FOXN4: variants seen among roughly 807,000 people sequenced by gnomAD.
FOXN4 encodes the protein forkhead box protein N4.
FOXN4 carries 12 observed loss-of-function variants against 45.0 expected under a neutral mutation model. That is an observed-to-expected ratio of 0.27 (90% CI 0.17 to 0.43). The LOEUF is 0.43. Among genes scored for constraint, FOXN4 ranks in the 20% least tolerant of loss-of-function variants. The probability of loss-of-function intolerance (pLI) is 1.00; values close to 1 mark genes in which losing one functional copy is unlikely to be tolerated. For synonymous variants in FOXN4, 297 were observed against 295.0 expected, an observed-to-expected ratio of 1.01 and a Z score of -0.07; for missense variants, 560 against 694.9, an observed-to-expected ratio of 0.81 and a Z score of 2.18.
intron 9 of FOXN4, among the ~76,000 whole-genome samples, chr12:109,280,577 C>A (rs954728326): frequency 2.0e-5 from 3 of 152,090 alleles, no homozygotes; most frequent in Non-Finnish European, 4.4e-5. Flanking sequence ...GGGGACAAGA[C>A]AATGTTTCTC....
chr12:109,295,100 A>G (rs2047804352), intron 2 of FOXN4, among the ~76,000 whole-genome samples: 1 of 152,156 alleles, frequency 6.6e-6, no homozygotes, highest in African/African-American at 2.4e-5. Flanking sequence ...TAATAGTAAT[A>G]GCCGCAATAC....
At chr12:109,298,660 G>A (rs886805596) in intron 2 of FOXN4, among the ~76,000 whole-genome samples, 5 of 152,188 alleles carry the variant, frequency 3.3e-5, no homozygotes, top group East Asian at 1.9e-4. Context: ...ACCACGCCCA[G>A]CCCTTCTAAG....
chr12:109,284,550 T>C (rs1217416174), intron 8 of FOXN4, among the ~76,000 whole-genome samples: 1 of 151,622 alleles, frequency 6.6e-6, no homozygotes, highest in Non-Finnish European at 1.5e-5. Context: ...TCCACTTGTG[T>C]GTGCGCACGT....
intron 8 of FOXN4, 60 bp downstream of exon 8, chr12:109,285,244 C>CGGGTGT: frequency 7.4e-7 from 1 of 1,353,238 alleles, no homozygotes. Flanking sequence ...CTTCCTCTTC[C>CGGGTGT]GTGTGTGTGT....
At chr12:109,300,114 G>T (rs1279924643) in intron 2 of FOXN4, among the ~76,000 whole-genome samples, 1 of 152,244 alleles carries the variant, frequency 6.6e-6, no homozygotes, top group Non-Finnish European at 1.5e-5. Flanking sequence ...GCTCACCCCA[G>T]TGGTGGTGGT....
At chr12:109,283,881 G>C (rs2136914135) in intron 8 of FOXN4, among the ~76,000 whole-genome samples, 1 of 152,296 alleles carries the variant, frequency 6.6e-6, no homozygotes, top group East Asian at 1.9e-4. Flanking sequence ...TGAGATGTCT[G>C]GACTGCTTTC....
Position 109,288,152 on chromosome 12 carries a change from A to C in FOXN4, c.261T>G (p.His87Gln), listed in dbSNP as rs1275940417. Reference sequence around the variant, plus strand: ...GAAGGGGACTTGGAGTGGCTCCCACATGCAGGTCGGCCACCCCAGCCAAGG... The same window carrying C: ...GAAGGGGACTTGGAGTGGCTCCCACCTGCAGGTCGGCCACCCCAGCCAAGG... ...PGALAGVADLHVGATPSPLLH... is the reference protein window; with the variant it reads ...PGALAGVADLQVGATPSPLLH... The change falls in exon 4 of 10, where the codon CAT becomes CAG. Residue 87 changes from histidine (H) to glutamine (Q), a missense_variant. Coordinates refer to ENST00000299162, the MANE Select transcript of FOXN4 (RefSeq NM_213596.3). The surrounding 1 kb of genome is among the most constrained non-coding windows in gnomAD (Gnocchi z 4.3). The C allele has an allele frequency of 2.5e-5, 38 of 1,547,586 alleles. No homozygotes were observed. The highest frequency in any genetic ancestry group is 2.4e-5 in the Non-Finnish European group (27 of 1,146,178).
At chr12:109,283,474 A>G (rs1339228918) in intron 8 of FOXN4, among the ~76,000 whole-genome samples, 1 of 136,596 alleles carries the variant, frequency 7.3e-6, no homozygotes, top group Non-Finnish European at 1.5e-5. Flanking sequence ...TTGTTTGAGA[A>G]CTTTTTTTTT....
chr12:109,281,757 C>A lies in FOXN4; in HGVS notation c.944G>T (p.Arg315Leu). ...KLISDRPESC[R>L]RPGKPGEPEA... The stretch of plus-strand genomic sequence containing the variant: ...TGGTTCCCCCGGTTTGCCGGGGCGC[C>A]GGCAGCTTTCAGGCCGGTCGGAGAT... Residue 315 changes from arginine (R) to leucine (L), a missense_variant, in exon 9 of 10, where the codon CGG becomes CTG. By Grantham distance (102) the Arg-to-Leu change is moderately radical. Around this residue, in one of 5 missense-constraint regions of FOXN4, gnomAD observed 315 missense variants for 350.5 expected, o/e 0.90. Transcript: ENST00000299162. The A allele has an allele frequency of 6.2e-7, 1 of 1,602,716 alleles. No homozygotes were observed. Among genetic ancestry groups the A allele is most frequent in the South Asian group, 1.1e-5 (1 of 90,492 alleles).
chr12:109,282,307 G>C (rs2097961067), intron 8 of FOXN4, among the ~76,000 whole-genome samples: 1 of 152,104 alleles, frequency 6.6e-6, no homozygotes, highest in South Asian at 2.1e-4. Flanking sequence ...TATGAGCTGG[G>C]CTTGGTGGTG....
Position 109,278,837 on chromosome 12 carries a change from T to C in FOXN4, c.*834A>G, listed in dbSNP as rs2047627411. The C allele has an allele frequency of 6.6e-6, 1 of 152,156 alleles. No individual in the cohort carries two copies. The highest frequency in any genetic ancestry group is 2.1e-4 in the South Asian group (1 of 4,826). 9.4% of individuals were successfully genotyped at this position (152,156 alleles called of 1,614,324 possible). On this transcript the variant is annotated 3_prime_UTR_variant, in exon 10 of 10. Transcript: ENST00000299162. ...CACAGTATCAACAGTGCTTGCTGGT[T>C]CTAAAAAGTAGCCCCAGGCTGCCAA...
chr12:109,287,502 C>T lies in FOXN4; in HGVS notation c.491G>A (p.Gly164Asp), dbSNP rs751654854. 12 of 1,543,262 alleles carry T rather than the reference C, an allele frequency of 7.8e-6. No homozygotes were observed. The East Asian group carries it at 2.9e-4, about 38-fold the overall frequency. ...AQQCPPVGLY[G>D]PPFGVRPPYP... is the part of the protein sequence containing the mutation. ...GGGGGGCCGCACCCCAAATGGGGGGCCATAGAGGCCCACAGGAGGGCACTT... is the reference window on the plus strand; with the variant it reads ...GGGGGGCCGCACCCCAAATGGGGGGTCATAGAGGCCCACAGGAGGGCACTT... The change falls in exon 6 of 10, where the codon GGC becomes GAC. Residue 164 changes from glycine to aspartate, a missense_variant. Physicochemically the swap from Gly to Asp is moderately conservative, Grantham distance 94. This residue lies in a region of FOXN4 where 61 missense variants were observed against 59.8 expected (regional missense o/e 1.02). Transcript: ENST00000299162. The surrounding 1 kb of genome is among the most constrained non-coding windows in gnomAD (Gnocchi z 4.1).
At position 109,278,585 on chromosome 12, in the gene FOXN4, G is replaced by A. The variant is rs137893073; in HGVS notation, c.*1086C>T. The A allele has an allele frequency of 2.0e-3, 311 of 152,236 alleles. 1 individual carries two copies. Among genetic ancestry groups the A allele is most frequent in the African/African-American group, 7.2e-3 (299 of 41,528 alleles). 9.4% of individuals were successfully genotyped at this position (152,236 alleles called of 1,614,324 possible). A position where few individuals can be genotyped will look rare whatever the true frequency, so the allele number is the denominator to read the frequency against. On this transcript the variant is annotated 3_prime_UTR_variant, in exon 10 of 10. Coordinates refer to ENST00000299162, the MANE Select transcript of FOXN4 (RefSeq NM_213596.3). ...TTGTCCACCACTTGCCACGTGGTTC[G>A]AGCTTTACGTGGTTCAGTTGGCTTT...
Position 109,288,211 on chromosome 12 carries a change from G to A in FOXN4, c.233-31C>T. 6.5e-7 allele frequency: 1 copy of A among 1,539,462 alleles called. No individual in the cohort carries two copies. Among genetic ancestry groups the A allele is most frequent in the East Asian group, 2.4e-5 (1 of 40,848 alleles). On this transcript the variant is annotated intron_variant, in intron 3 of 9. Transcript: ENST00000299162. The surrounding 1 kb of genome is among the most constrained non-coding windows in gnomAD (Gnocchi z 4.3). Reference sequence around the variant, plus strand: ...GGAGAGAAGCACAGAGACGCTGCTGGGCTGGAGGAATGGTGGCTGCCACCA... The same window carrying A: ...GGAGAGAAGCACAGAGACGCTGCTGAGCTGGAGGAATGGTGGCTGCCACCA...
At position 109,304,682 on chromosome 12, in the gene FOXN4, C is replaced by T. The variant is rs1370230509; in HGVS notation, c.86+3554G>A. Among the ~76,000 whole-genome samples, 12 of 152,346 alleles carry T rather than the reference C, an allele frequency of 7.9e-5. 1 individual carries two copies. Among genetic ancestry groups the T allele is most frequent in the Admixed American group, 7.2e-4 (11 of 15,306 alleles). ...CCTGCACACAGCCATTGAAAATTAA[C>T]GGCCAAACTCAGCCCCAGGGGGATG... is the stretch of plus-strand genomic sequence containing the variant. On this transcript the variant is annotated intron_variant, in intron 2 of 9. Transcript: ENST00000299162.
At chr12:109,282,448 TA>T (rs920026527) in intron 8 of FOXN4, among the ~76,000 whole-genome samples, 35 of 149,168 alleles carry the variant, frequency 2.3e-4, no homozygotes, top group South Asian at 1.3e-3. Context: ...ACCCTGCCTT[TA>T]AAAAAAAAAT....
At chr12:109,307,486 C>A (rs2047932191) in intron 2 of FOXN4, among the ~76,000 whole-genome samples, 2 of 152,110 alleles carry the variant, frequency 1.3e-5, no homozygotes, top group African/African-American at 4.8e-5. Flanking sequence ...TTGGACAAGC[C>A]CTTTCCCCTT....
In FOXN4 at chr12:109,279,377, T is replaced by C. The variant is rs2136904307; in HGVS notation, c.*294A>G. 1 of 467,312 alleles carries C rather than the reference T, an allele frequency of 2.1e-6. No homozygotes were observed. Among genetic ancestry groups the C allele is most frequent in the Admixed American group, 3.4e-5 (1 of 29,768 alleles). The allele number at this position is 467,312 out of a possible 1,614,324, so 28.9% of individuals were successfully genotyped here. A position where few individuals can be genotyped will look rare whatever the true frequency, so the allele number is the denominator to read the frequency against. The stretch of plus-strand genomic sequence containing the variant: ...ACTCAACACGGGCAGGCATTGCGGC[T>C]CAGGCCTCGGAGGAGTGTCAAGGGG... On this transcript the variant is annotated 3_prime_UTR_variant, in exon 10 of 10. Transcript: ENST00000299162.
intron 2 of FOXN4, among the ~76,000 whole-genome samples, chr12:109,302,692 T>C (rs1359924099): frequency 6.6e-6 from 1 of 152,162 alleles, no homozygotes. Context: ...TCCTCTGCGT[T>C]GTCATTTAGG....
Sources: gnomAD v4.1 joint callset for allele counts (sites outside exome capture counted in the v4.1 genomes callset) on GRCh38, gnomAD v4.1.1 for gene constraint, gnomAD v4.1.1 regional missense constraint, Gnocchi (gnomAD v3.1) non-coding constraint, MANE v1.5 for transcripts, NCBI Gene and HGNC (gene_info 2026-07-23, HGNC 2026-07-21) for gene names.